AFF2: variants seen among roughly 807,000 people sequenced by gnomAD.
AFF2 encodes AF4/FMR2 family member 2.
A neutral mutation model predicts 76.9 loss-of-function variants in AFF2; 14 were observed. The observed-to-expected ratio is 0.18, with a 90% CI of 0.12 to 0.28. The LOEUF (loss-of-function observed/expected upper bound fraction) is 0.28. Among genes scored for constraint, AFF2 ranks in the 10% least tolerant of loss-of-function variants. AFF2 has a pLI of 1.00. For synonymous variants in AFF2, 398 were observed against 366.7 expected (o/e 1.09, Z -0.98); for missense variants, 868 against 1,001.1 (o/e 0.87, Z 1.79).
intron 9 of AFF2, among the ~76,000 whole-genome samples, chrX:148,932,652 G>A (rs1449426725): frequency 1.8e-5 from 2 of 111,620 alleles, no homozygotes; most frequent in Non-Finnish European, 3.8e-5. Context: ...TGTGAAGATT[G>A]AGAACACTTG....
intron 3 of AFF2, among the ~76,000 whole-genome samples, chrX:148,766,859 G>T (rs989002854): frequency 8.9e-6 from 1 of 111,841 alleles, no homozygotes; most frequent in Non-Finnish European, 1.9e-5. Context: ...AAATTTCCCA[G>T]TACTCAGAAG....
At chrX:148,753,002 C>T in intron 3 of AFF2, among the ~76,000 whole-genome samples, 1 of 111,356 alleles carries the variant, frequency 9.0e-6, no homozygotes, top group East Asian at 2.8e-4. Flanking sequence ...CAGGACACAT[C>T]ATGCCCCTTT....
At chrX:148,660,054 A>G (rs2054289009) in intron 2 of AFF2, among the ~76,000 whole-genome samples, 1 of 112,085 alleles carries the variant, frequency 8.9e-6, no homozygotes, top group African/African-American at 3.2e-5. Context: ...ACTAAAATTG[A>G]CATATAGTTA....
chrX:148,605,274 A>G (rs1458901047), intron 1 of AFF2, among the ~76,000 whole-genome samples: 1 of 112,046 alleles, frequency 8.9e-6, no homozygotes, highest in African/African-American at 3.2e-5. Flanking sequence ...ATATGTGAAT[A>G]TACGATAATG....
intron 1 of AFF2, among the ~76,000 whole-genome samples, chrX:148,544,407 C>A (rs2052896948): frequency 2.7e-5 from 3 of 111,225 alleles, no homozygotes; most frequent in Admixed American, 1.9e-4. Context: ...CATCCCCACC[C>A]TGCTTTCACT....
chrX:148,835,198 C>T (rs1000362487), intron 4 of AFF2, among the ~76,000 whole-genome samples: 4 of 111,219 alleles, frequency 3.6e-5, no homozygotes, highest in Non-Finnish European at 5.7e-5. Flanking sequence ...CCCAGAGGCA[C>T]ACCTCTAAAA....
intron 3 of AFF2, among the ~76,000 whole-genome samples, chrX:148,763,492 G>C (rs1342138526): frequency 9.1e-6 from 1 of 109,923 alleles, no homozygotes; most frequent in Admixed American, 9.8e-5. Flanking sequence ...TTAGAGAGAA[G>C]TAGGTGATAT....
intron 14 of AFF2, 140 bp downstream of exon 14, chrX:148,967,219 C>T (rs1569557815): frequency 1.1e-6 from 1 of 889,307 alleles, no homozygotes; most frequent in East Asian, 3.3e-5. Flanking sequence ...GTCCACCCCA[C>T]CCCCTGCATA....
chrX:148,876,082 A>G (rs1332813882), intron 7 of AFF2, among the ~76,000 whole-genome samples: 1 of 112,310 alleles, frequency 8.9e-6, no homozygotes, highest in Non-Finnish European at 1.9e-5. Context: ...ATGAGAACAC[A>G]TTTCTCTAGT....
In AFF2 at chrX:148,943,283, G is replaced by T. The variant is rs146115981; in HGVS notation, c.1398-10297G>T. Among the ~76,000 whole-genome samples the T allele has an allele frequency of 3.3e-4, 37 of 112,493 alleles. No individual in the cohort carries two copies. In the Admixed American group the frequency reaches 3.5e-3, roughly 11 times the overall value. ...ATATGACTTTTATTTCAGAAATTGC[G>T]TATGTGACTTTGAATAGGCTGACTG... On this transcript the variant is annotated intron_variant, in intron 9 of 20. Transcript: ENST00000370460.
intron 13 of AFF2, among the ~76,000 whole-genome samples, chrX:148,964,534 A>C (rs1162441624): frequency 1.3e-4 from 15 of 112,075 alleles, no homozygotes; most frequent in African/African-American, 4.9e-4. Flanking sequence ...GAAATAAGCC[A>C]GACACCAAAG....
chrX:148,953,921 A>G (rs1557286929), intron 10 of AFF2, among the ~76,000 whole-genome samples, 182 bp downstream of exon 10: 2 of 112,716 alleles, frequency 1.8e-5, no homozygotes, highest in Non-Finnish European at 3.7e-5. Flanking sequence ...TTTAAAAAGC[A>G]TATATTCACA....
intron 1 of AFF2, among the ~76,000 whole-genome samples, chrX:148,551,354 C>A (rs59883737): frequency 9.2e-6 from 1 of 108,638 alleles, no homozygotes; most frequent in Non-Finnish European, 1.9e-5. Flanking sequence ...ATAGAGATTT[C>A]TTATATGTTT....
intron 20 of AFF2, among the ~76,000 whole-genome samples, chrX:148,989,235 G>GTAT (rs1557291987): frequency 8.9e-6 from 1 of 112,484 alleles, no homozygotes; most frequent in African/African-American, 3.2e-5. Flanking sequence ...CTCTTATTTT[G>GTAT]TATTAGTAAC....
At chrX:148,908,265 A>G (rs782280989) in intron 9 of AFF2, among the ~76,000 whole-genome samples, 26 of 112,168 alleles carry the variant, frequency 2.3e-4, no homozygotes, top group Non-Finnish European at 3.9e-4. Context: ...AGATTAAAGT[A>G]AAGACAGGCA....
chrX:148,804,752 C>G (rs1248188213), intron 3 of AFF2, among the ~76,000 whole-genome samples: 4 of 112,025 alleles, frequency 3.6e-5, no homozygotes, highest in Non-Finnish European at 7.5e-5. Context: ...GTTATATTAC[C>G]CGAGGACTTC....
At chrX:148,825,606 T>C (rs2070379470) in intron 4 of AFF2, among the ~76,000 whole-genome samples, 1 of 108,679 alleles carries the variant, frequency 9.2e-6, no homozygotes, top group African/African-American at 3.3e-5. Context: ...TTTTTTCATT[T>C]TTGACCACTC....
Position 148,586,372 on chromosome X carries a change from C to G in AFF2, c.48-65627C>G, listed in dbSNP as rs782439018. Among the ~76,000 whole-genome samples the G allele has an allele frequency of 4.0e-3, 445 of 112,049 alleles. 2 individuals are homozygous for G. The highest frequency in any genetic ancestry group is 0.013 in the African/African-American group (409 of 30,838). The stretch of plus-strand genomic sequence containing the variant: ...CGCCATGATGGAAATACATATTAGG[C>G]TTTTAGAATTTGTAGAGATTAATGT... On this transcript the variant is annotated intron_variant, in intron 1 of 20. Coordinates refer to ENST00000370460, the MANE Select transcript of AFF2 (RefSeq NM_002025.4).
At chrX:148,746,762 G>A (rs181142944) in intron 3 of AFF2, among the ~76,000 whole-genome samples, 1 of 112,931 alleles carries the variant, frequency 8.9e-6, no homozygotes, top group African/African-American at 3.2e-5. Flanking sequence ...ATGATGCAAG[G>A]AGGGGCTTAC....
Sources: allele counts gnomAD v4.1 joint callset (sites outside exome capture counted in the v4.1 genomes callset), GRCh38; gene constraint gnomAD v4.1.1; transcripts MANE v1.5; gene names NCBI Gene and HGNC (gene_info 2026-07-23, HGNC 2026-07-21).